Variants in RPRD1A observed in about 807,000 individuals in gnomAD.
RPRD1A encodes the protein regulation of nuclear pre-mRNA domain-containing protein 1A.
A neutral mutation model predicts 37.8 loss-of-function variants in RPRD1A; 9 were observed. The ratio of observed to expected loss-of-function variants is 0.24; its 90% confidence interval spans 0.14 to 0.42. The LOEUF (loss-of-function observed/expected upper bound fraction) is 0.42, where lower values mean the gene tolerates loss of function less well. Among genes scored for constraint, RPRD1A ranks in the 10% least tolerant of loss-of-function variants. RPRD1A has a pLI of 1.00. For missense variants in RPRD1A, 255 were observed against 371.0 expected, an observed-to-expected ratio of 0.69 and a Z score of 2.57; for synonymous variants, 138 against 139.7, an observed-to-expected ratio of 0.99 and a Z score of 0.08.
At chr18:36,029,236 C>T (rs910127475) in intron 4 of RPRD1A, among the ~76,000 whole-genome samples, 2 of 152,100 alleles carry the variant, frequency 1.3e-5, no homozygotes, top group East Asian at 3.8e-4. Flanking sequence ...TAATATAAAT[C>T]CACAGTTACA....
chr18:35,994,006 C>T (rs1908870137), intron 6 of RPRD1A, among the ~76,000 whole-genome samples: 1 of 152,144 alleles, frequency 6.6e-6, no homozygotes, highest in African/African-American at 2.4e-5. Context: ...AAGGTGGCTC[C>T]ACAGCAGAAG....
At chr18:36,013,514 T>C (rs1350960897) in intron 6 of RPRD1A, among the ~76,000 whole-genome samples, 3 of 152,048 alleles carry the variant, frequency 2.0e-5, no homozygotes, top group Non-Finnish European at 4.4e-5. Context: ...GAAAGACCAA[T>C]ATCCGAGATA....
intron 2 of RPRD1A, among the ~76,000 whole-genome samples, chr18:36,031,930 A>G (rs1911821842): frequency 6.6e-6 from 1 of 152,216 alleles, no homozygotes; most frequent in African/African-American, 2.4e-5. Context: ...CCTAATACCT[A>G]GTACCATACA....
chr18:36,016,271 G>A (rs907546289), intron 6 of RPRD1A, among the ~76,000 whole-genome samples: 3 of 152,030 alleles, frequency 2.0e-5, no homozygotes, highest in African/African-American at 7.2e-5. Context: ...TGCCCAGGCT[G>A]GAGTGCAATG....
At chr18:36,053,685 A>G (rs1028310445) in intron 1 of RPRD1A, among the ~76,000 whole-genome samples, 1 of 152,214 alleles carries the variant, frequency 6.6e-6, no homozygotes, top group Non-Finnish European at 1.5e-5. Flanking sequence ...TATACCTAGG[A>G]GTGAAATTAC....
chr18:36,008,577 G>GTGTGTGTATGTATATATATATA lies in RPRD1A; in HGVS notation c.790-15278_790-15277insTATATATATATACATACACACA. Among the ~76,000 whole-genome samples, 34 of 47,786 alleles carry GTGTGTGTATGTATATATATATA rather than the reference G, an allele frequency of 7.1e-4. 3 individuals carry two copies. The highest frequency in any genetic ancestry group is 2.2e-3 in the African/African-American group (32 of 14,796). 31.3% of individuals were successfully genotyped at this position (47,786 alleles called of 152,430 possible). On this transcript the variant is annotated intron_variant, in intron 6 of 6. Transcript: ENST00000399022. ...GGCGACACAGCAAGACCTTGTGTGTGTATATATATATATCTTTAAAAATCT... is the reference window on the plus strand; with the variant it reads ...GGCGACACAGCAAGACCTTGTGTGTGTGTGTGTATGTATATATATATATATATATATATATCTTTAAAAATCT...
chr18:36,033,722 A>G lies in RPRD1A; in HGVS notation c.267T>C (p.Phe89=). The change falls in exon 2 of 7, where the codon TTT becomes TTC. Residue 89 remains phenylalanine, a synonymous_variant. Transcript: ENST00000399022. The part of the protein sequence containing the change: ...KDFAPVIVEA[F]KHVSSETDES... ...TATGATCATACCTTGAAACATGCTTAAAAGCCTCCACTATAACTGGTGCAA... is the reference window on the plus strand; with the variant it reads ...TATGATCATACCTTGAAACATGCTTGAAAGCCTCCACTATAACTGGTGCAA... 1 of 1,611,524 alleles carries G rather than the reference A, an allele frequency of 6.2e-7. No homozygotes were observed. Among genetic ancestry groups the G allele is most frequent in the Non-Finnish European group, 8.5e-7 (1 of 1,178,584 alleles).
intron 4 of RPRD1A, chr18:36,027,512 G>GACA: frequency 1.8e-6 from 1 of 541,096 alleles, no homozygotes; most frequent in East Asian, 3.1e-5. Context: ...ATATAAACAG[G>GACA]ACAAGGCCCT....
chr18:36,036,447 A>G (rs1341647272), intron 1 of RPRD1A, among the ~76,000 whole-genome samples: 2 of 152,218 alleles, frequency 1.3e-5, no homozygotes, highest in African/African-American at 4.8e-5. Flanking sequence ...AATATACACT[A>G]AAATAAAAAT....
chr18:36,015,067 T>C (rs770479066), intron 6 of RPRD1A, among the ~76,000 whole-genome samples: 8 of 151,490 alleles, frequency 5.3e-5, no homozygotes, highest in Non-Finnish European at 1.0e-4. Flanking sequence ...ATAGAATTAA[T>C]GTATAATCTA....
At chr18:36,048,511 G>A (rs570358966) in intron 1 of RPRD1A, among the ~76,000 whole-genome samples, 68 of 152,046 alleles carry the variant, frequency 4.5e-4, no homozygotes, top group Middle Eastern at 3.4e-3. Flanking sequence ...CACATTAACA[G>A]ACTAAAAAGA....
At chr18:36,000,136 C>A (rs1217401292) in intron 6 of RPRD1A, among the ~76,000 whole-genome samples, 2 of 152,096 alleles carry the variant, frequency 1.3e-5, no homozygotes, top group Non-Finnish European at 2.9e-5. Flanking sequence ...CTGTTACCAT[C>A]CCCAGGGGAC....
In RPRD1A at chr18:35,990,714, T is replaced by C. The variant is rs1908674197; in HGVS notation, c.*2437A>G. On this transcript the variant is annotated 3_prime_UTR_variant, in exon 7 of 7. Coordinates refer to ENST00000399022, the MANE Select transcript of RPRD1A (RefSeq NM_018170.5). ...TCAAAGATGCATGATCTGCCTCAGG[T>C]GCACAGTGGAGAAAACGCTCATGAT... is the stretch of plus-strand genomic sequence containing the variant. The C allele has an allele frequency of 6.6e-6, 1 of 152,162 alleles. No homozygotes were observed. Among genetic ancestry groups the C allele is most frequent in the East Asian group, 1.9e-4 (1 of 5,198 alleles). The allele number at this position is 152,162 out of a possible 1,614,324, so 9.4% of individuals were successfully genotyped here.
chr18:36,023,470 G>C (rs1369034636), intron 6 of RPRD1A, among the ~76,000 whole-genome samples: 1 of 152,188 alleles, frequency 6.6e-6, no homozygotes, highest in Non-Finnish European at 1.5e-5. Context: ...GGCAAATAAA[G>C]TGGTTTCCTG....
chr18:36,027,146 C>A (rs1306515803), intron 5 of RPRD1A, 38 bp downstream of exon 5: 3 of 1,612,756 alleles, frequency 1.9e-6, no homozygotes, highest in Non-Finnish European at 2.5e-6. Flanking sequence ...CTCATCCCAA[C>A]TCCCAAAAAA....
intron 1 of RPRD1A, chr18:36,040,810 A>C: frequency 6.6e-7 from 1 of 1,514,598 alleles, no homozygotes; most frequent in East Asian, 2.5e-5. Flanking sequence ...CACTTACAGT[A>C]AATTCCTGTT....
In RPRD1A at chr18:36,027,252, G is replaced by C. The variant is rs1181968143; in HGVS notation, c.545C>G (p.Ala182Gly). The C allele has an allele frequency of 1.9e-6, 3 of 1,612,946 alleles. No homozygotes were observed. The highest frequency in any genetic ancestry group is 2.5e-6 in the Non-Finnish European group (3 of 1,178,952). ...TAAAGAAGCTATCCTCTGATGAACT[G>C]CTGCATCACCTGAGGCTGCATTTTC... Reference protein sequence around the residue: ...DLENAASGDAAVHQRIASLPV... With the variant: ...DLENAASGDAGVHQRIASLPV... The change falls in exon 5 of 7, where the codon GCA (alanine) becomes GGA (glycine). Residue 182 changes from alanine (A) to glycine (G), a missense_variant. By Grantham distance (60) the Ala-to-Gly change is moderately conservative (BLOSUM62 0). This residue lies in a region of RPRD1A where 211 missense variants were observed against 268.9 expected (regional missense o/e 0.78). Coordinates refer to ENST00000399022, the MANE Select transcript of RPRD1A (RefSeq NM_018170.5).
At chr18:36,015,559 AG>A (rs1910496648) in intron 6 of RPRD1A, among the ~76,000 whole-genome samples, 2 of 152,196 alleles carry the variant, frequency 1.3e-5, no homozygotes, top group Non-Finnish European at 2.9e-5. Context: ...AATAGCCAAG[AG>A]GTGGAAGCAA....
chr18:36,003,579 A>C (rs1439560987), intron 6 of RPRD1A, among the ~76,000 whole-genome samples: 2 of 152,332 alleles, frequency 1.3e-5, no homozygotes, highest in African/African-American at 2.4e-5. Context: ...ACCATGGTTT[A>C]AGTGAGTTAG....
Sources: gnomAD v4.1 joint callset for allele counts (sites outside exome capture counted in the v4.1 genomes callset) on GRCh38, gnomAD v4.1.1 for gene constraint, gnomAD v4.1.1 regional missense constraint, MANE v1.5 for transcripts, NCBI Gene and HGNC (gene_info 2026-07-23, HGNC 2026-07-21) for gene names.